NCOA1: variants seen among roughly 807,000 people sequenced by gnomAD.
NCOA1 encodes nuclear receptor coactivator 1.
NCOA1 carries 35 observed loss-of-function variants against 150.9 expected under a neutral mutation model. That is an observed-to-expected ratio of 0.23 (90% CI 0.18 to 0.31). NCOA1 has a LOEUF of 0.31. Among genes scored for constraint, NCOA1 ranks in the 10% least tolerant of loss-of-function variants. The probability of loss-of-function intolerance (pLI) is 1.00; values close to 1 mark genes in which losing one functional copy is unlikely to be tolerated. For missense variants in NCOA1, 1,491 were observed against 1,749.3 expected (o/e 0.85, Z 2.63); for synonymous variants, 590 against 630.0 (o/e 0.94, Z 0.95).
chr2:24,719,456 A>G (rs1674248080), intron 14 of NCOA1, among the ~76,000 whole-genome samples: 2 of 152,228 alleles, frequency 1.3e-5, no homozygotes, highest in South Asian at 2.1e-4. Context: ...TAAATTATAC[A>G]TCAATGAAGT....
intron 19 of NCOA1, among the ~76,000 whole-genome samples, chr2:24,749,028 G>GA (rs1664082244): frequency 6.6e-6 from 1 of 151,816 alleles, no homozygotes; most frequent in African/African-American, 2.4e-5. Context: ...ATTTTGTCAG[G>GA]AAAAAAAGAA....
chr2:24,508,982 A>G (rs1663819562), intron 1 of NCOA1, among the ~76,000 whole-genome samples: 1 of 152,216 alleles, frequency 6.6e-6, no homozygotes, highest in African/African-American at 2.4e-5. Flanking sequence ...GCTTTGTACA[A>G]ATAGGACTCC....
chr2:24,504,041 C>G (rs1663588787), intron 1 of NCOA1, among the ~76,000 whole-genome samples: 2 of 152,122 alleles, frequency 1.3e-5, no homozygotes, highest in Non-Finnish European at 2.9e-5. Flanking sequence ...GGCTACTTGT[C>G]TCTGTTTTTA....
intron 3 of NCOA1, among the ~76,000 whole-genome samples, chr2:24,589,245 A>G (rs1667544135): frequency 1.3e-5 from 2 of 152,056 alleles, no homozygotes. Context: ...TTGAGGTACT[A>G]CCAGAACTGT....
rs373873444 is a variant in NCOA1 at position 24,729,840 on chromosome 2, A to T, written c.3201+25A>T. 1.9e-5 allele frequency: 30 copies of T among 1,576,752 alleles called. No individual in the cohort carries two copies. The African/African-American group carries it at 3.8e-4, about 20-fold the overall frequency. The stretch of plus-strand genomic sequence containing the variant: ...GGTAAGTGCTCTTGTTTAGCAGTTG[A>T]TACTTTTTTTTTTTTTGAGACGAAG... On this transcript the variant is annotated intron_variant, in intron 17 of 22. Coordinates refer to ENST00000348332, the MANE Select transcript of NCOA1 (RefSeq NM_003743.5).
chr2:24,727,138 CAAAAAAAAAA>C (rs755486331), intron 15 of NCOA1, among the ~76,000 whole-genome samples: 1 of 43,280 alleles, frequency 2.3e-5, no homozygotes, highest in Non-Finnish European at 4.7e-5. Flanking sequence ...AACTCTGTCT[CAAAAAAAAAA>C]AAAAAAAAAA....
rs147039117 is a variant in NCOA1, at chr2:24,762,329, C to T, written c.4066-358C>T. ...AAATCTTGACCAAAGTGTGAGTCTA[C>T]CACTAATTAACATATGTATGTGTGA... On this transcript the variant is annotated intron_variant, in intron 21 of 22. Coordinates refer to ENST00000348332, the MANE Select transcript of NCOA1 (RefSeq NM_003743.5). 9.0e-3 allele frequency among the ~76,000 whole-genome samples: 1,364 copies of T among 152,288 alleles called. 13 individuals are homozygous for T. Among genetic ancestry groups the T allele is most frequent in the African/African-American group, 0.026 (1,076 of 41,554 alleles).
At chr2:24,685,037 C>A (rs1672339606) in intron 8 of NCOA1, among the ~76,000 whole-genome samples, 1 of 151,672 alleles carries the variant, frequency 6.6e-6, no homozygotes, top group South Asian at 2.1e-4. Context: ...GGAAAAAAAT[C>A]AAATCAAGAT....
intron 1 of NCOA1, among the ~76,000 whole-genome samples, chr2:24,513,753 C>T (rs1354231393): frequency 6.6e-6 from 1 of 152,128 alleles, no homozygotes; most frequent in Non-Finnish European, 1.5e-5. Flanking sequence ...TTACATTCCT[C>T]AAACATTTCT....
At chr2:24,747,327 C>CTTTTTTTTTTTTTTTTTTTTTTTTTTTT (rs148901218) in intron 19 of NCOA1, among the ~76,000 whole-genome samples, 1 of 120,170 alleles carries the variant, frequency 8.3e-6, no homozygotes, top group African/African-American at 3.1e-5. Flanking sequence ...TTATTTTTCT[C>CTTTTTTTTTTTTTTTTTTTTTTTTTTTT]TTTTTTTTTT....
intron 13 of NCOA1, among the ~76,000 whole-genome samples, chr2:24,709,463 C>A (rs908942702): frequency 2.6e-5 from 4 of 152,104 alleles, no homozygotes; most frequent in African/African-American, 9.7e-5. Flanking sequence ...TGGATATCTT[C>A]TTTTGTAAAT....
At chr2:24,687,114 T>G (rs1672442252) in intron 8 of NCOA1, among the ~76,000 whole-genome samples, 1 of 152,080 alleles carries the variant, frequency 6.6e-6, no homozygotes, top group Non-Finnish European at 1.5e-5. Flanking sequence ...AATTCCTACC[T>G]ACCTTAATTA....
chr2:24,709,408 G>A (rs1673621957), intron 13 of NCOA1, among the ~76,000 whole-genome samples: 1 of 152,136 alleles, frequency 6.6e-6, no homozygotes, highest in African/African-American at 2.4e-5. Context: ...ATTCTGAGGT[G>A]TGTGTTCTAA....
chr2:24,744,342 A>G (rs1205260609), intron 19 of NCOA1, among the ~76,000 whole-genome samples: 3 of 152,266 alleles, frequency 2.0e-5, no homozygotes, highest in African/African-American at 7.2e-5. Context: ...CAGTGGTTTC[A>G]TCCAGTTGCA....
chr2:24,608,704 G>GTTTTTTTTTTTTTTTTTTTTTTTTTAT (rs56710627), intron 3 of NCOA1, among the ~76,000 whole-genome samples: 1 of 117,336 alleles, frequency 8.5e-6, no homozygotes. Flanking sequence ...TTGTTGTTGT[G>GTTTTTTTTTTTTTTTTTTTTTTTTTAT]TTTTTTTTTT....
At chr2:24,565,768 T>A (rs1178366741) in intron 2 of NCOA1, among the ~76,000 whole-genome samples, 1 of 152,200 alleles carries the variant, frequency 6.6e-6, no homozygotes, top group African/African-American at 2.4e-5. Context: ...CTGGCCACTG[T>A]GCACAGCCAG....
At chr2:24,722,996 A>G (rs1674429588) in intron 14 of NCOA1, among the ~76,000 whole-genome samples, 1 of 151,742 alleles carries the variant, frequency 6.6e-6, no homozygotes, top group African/African-American at 2.4e-5. Context: ...CTCCAAAAAA[A>G]AAAAAAAAAA....
intron 3 of NCOA1, among the ~76,000 whole-genome samples, chr2:24,633,523 T>C (rs994545109): frequency 2.0e-5 from 3 of 152,172 alleles, no homozygotes. Flanking sequence ...GAAGTACTTA[T>C]TGAGTGCTTG....
chr2:24,576,178 T>TTTTTTTTTTTTTTTTTTTTTGTTTTG (rs1666973085), intron 2 of NCOA1, among the ~76,000 whole-genome samples: 1 of 73,752 alleles, frequency 1.4e-5, no homozygotes, highest in Non-Finnish European at 3.0e-5. Context: ...TTGTTTTTTT[T>TTTTTTTTTTTTTTTTTTTTTGTTTTG]TTTTTTTTTT....
Sources: allele counts gnomAD v4.1 joint callset (sites outside exome capture counted in the v4.1 genomes callset), GRCh38; gene constraint gnomAD v4.1.1; transcripts MANE v1.5; gene names NCBI Gene and HGNC (gene_info 2026-07-23, HGNC 2026-07-21).